The following CACNG8 variants were observed in gnomAD, a reference collection of about 807,000 sequenced individuals.
CACNG8 encodes calcium voltage-gated channel auxiliary subunit gamma 8.
Under a neutral mutation model 26.9 loss-of-function variants are expected in CACNG8, and 5 were observed. That is an observed-to-expected ratio of 0.19 (90% CI 0.10 to 0.39). The LOEUF is 0.39. Among genes scored for constraint, CACNG8 ranks in the 10% least tolerant of loss-of-function variants. CACNG8 has a pLI of 1.00. For missense variants in CACNG8, 473 were observed against 609.4 expected (o/e 0.78, Z 2.36); for synonymous variants, 321 against 296.7 (o/e 1.08, Z -0.84).
At chr19:53,980,808 C>G (rs1434260700) in intron 3 of CACNG8, among the ~76,000 whole-genome samples, 1 of 152,200 alleles carries the variant, frequency 6.6e-6, no homozygotes, top group Non-Finnish European at 1.5e-5. Flanking sequence ...GTAAGGCCCC[C>G]TTTCTACCCC....
chr19:53,978,909 G>C (rs947307855), intron 2 of CACNG8, among the ~76,000 whole-genome samples: 2 of 142,038 alleles, frequency 1.4e-5, no homozygotes, highest in Non-Finnish European at 3.0e-5. Context: ...AGGGAGTGAA[G>C]AGAAGAGAAA....
Position 53,982,541 on chromosome 19 carries a change from G to T in CACNG8, c.970G>T (p.Gly324Trp). The T allele has an allele frequency of 8.1e-7, 1 of 1,232,784 alleles. No homozygotes were observed. Among genetic ancestry groups the T allele is most frequent in the Non-Finnish European group, 1.0e-6 (1 of 990,236 alleles). 76.4% of individuals were successfully genotyped at this position (1,232,784 alleles called of 1,614,324 possible). The change falls in exon 4 of 4, where the codon GGG (glycine) becomes TGG (tryptophan). Residue 324 changes from glycine (G) to tryptophan (W), a missense_variant. Transcript: ENST00000270458. This position sits in a 1 kb window ranked among gnomAD's most constrained non-coding sequence, Gnocchi z 8.4. ...GGGCAGCGTGGCCGCGGGGCTGGCG[G>T]GGGCCGGCGGCGGCGGCGGCGGCGC...
At chr19:53,980,077 TGTGTGTGTGCGCGCGCGCGCGTGA>T (rs1568801658) in intron 3 of CACNG8, 70 bp downstream of exon 3, 14 of 1,432,588 alleles carry the variant, frequency 9.8e-6, no homozygotes. Flanking sequence ...TGTGTGTGTG[TGTGTGTGTGCGCGCGCGCGCGTGA>T]GTGCAAGTGC....
chr19:53,980,706 C>T (rs2069361567), intron 3 of CACNG8, among the ~76,000 whole-genome samples: 1 of 152,152 alleles, frequency 6.6e-6, no homozygotes, highest in Admixed American at 6.5e-5. Context: ...CGACCAAAGC[C>T]AGTCAGTACC....
chr19:53,982,318 G>A lies in CACNG8; in HGVS notation c.747G>A (p.Ala249=). The A allele has an allele frequency of 1.9e-6, 3 of 1,589,046 alleles. No homozygotes were observed. The highest frequency in any genetic ancestry group is 2.3e-5 in the East Asian group (1 of 43,226). ...ACCTGCTCAAGGCCGGCGGGGGCGC[G>A]GGCGGCAGTGGCGGGAGCGGCCCCT... The change falls in exon 4 of 4, where the codon GCG becomes GCA. Residue 249 remains alanine (A), a synonymous_variant. Transcript: ENST00000270458. This position sits in a 1 kb window ranked among gnomAD's most constrained non-coding sequence, Gnocchi z 8.4.
chr19:53,971,434 ACTCT>A (rs2069302059), intron 1 of CACNG8, among the ~76,000 whole-genome samples: 1 of 152,088 alleles, frequency 6.6e-6, no homozygotes, highest in African/African-American at 2.4e-5. Context: ...ATACATAGAC[ACTCT>A]CTCTCCCTTT....
chr19:53,979,614 G>A (rs533109960), intron 2 of CACNG8, among the ~76,000 whole-genome samples: 7 of 152,144 alleles, frequency 4.6e-5, no homozygotes, highest in Admixed American at 3.9e-4. Context: ...TTCCAAGAGA[G>A]AGAAAAATAG....
chr19:53,963,525 G>A (rs2069255164), intron 1 of CACNG8, 100 bp downstream of exon 1: 16 of 1,214,314 alleles, frequency 1.3e-5, no homozygotes, highest in Non-Finnish European at 1.5e-5. Context: ...GCCCCCTTGG[G>A]CACCCCTCCT....
intron 1 of CACNG8, among the ~76,000 whole-genome samples, chr19:53,963,987 G>A (rs964009677): frequency 6.6e-6 from 1 of 151,582 alleles, no homozygotes; most frequent in African/African-American, 2.4e-5. Context: ...ATTATTTGTA[G>A]AGATGAGGTC....
In CACNG8 at chr19:53,963,490, G is replaced by A. The variant is rs987041923; in HGVS notation, c.283+65G>A. On this transcript the variant is annotated intron_variant, in intron 1 of 3. Coordinates refer to ENST00000270458, the MANE Select transcript of CACNG8 (RefSeq NM_031895.6). ...CCCTCCGAGAGACCCTGAGCCTCCC[G>A]GGGCTGCCTGTCCCTGATCCTGGGG... 4 of 1,390,810 alleles carry A rather than the reference G, an allele frequency of 2.9e-6. No homozygotes were observed. The African/African-American group carries it at 4.6e-5, about 16-fold the overall frequency. 86.2% of individuals were successfully genotyped at this position (1,390,810 alleles called of 1,614,324 possible).
chr19:53,967,553 C>A (rs1224679797), intron 1 of CACNG8, among the ~76,000 whole-genome samples: 2 of 152,140 alleles, frequency 1.3e-5, no homozygotes, highest in Non-Finnish European at 2.9e-5. Flanking sequence ...ATCTGAATTT[C>A]ACTGGGCGCA....
At position 53,979,949 on chromosome 19, in the gene CACNG8, C is replaced by A. The variant is rs145338051; in HGVS notation, c.450C>A (p.Arg150=). The A allele has an allele frequency of 6.2e-7, 1 of 1,612,958 alleles. No homozygotes were observed. The highest frequency in any genetic ancestry group is 8.5e-7 in the Non-Finnish European group (1 of 1,179,508). ...GGGGTGTGTGCGTGGCGGCCTCCCG[C>A]GTCTACAAGTCCAAGAGGAACATCA... is the stretch of plus-strand genomic sequence containing the variant. The change falls in exon 3 of 4, where the codon CGC becomes CGA. Residue 150 remains arginine (R), a synonymous_variant. Transcript: ENST00000270458.
chr19:53,973,019 G>C (rs2069311588), intron 1 of CACNG8, among the ~76,000 whole-genome samples: 1 of 152,116 alleles, frequency 6.6e-6, no homozygotes, highest in Non-Finnish European at 1.5e-5. Flanking sequence ...CTACCTCCGA[G>C]GGTTTGTCCT....
At chr19:53,980,481 G>T (rs2069359779) in intron 3 of CACNG8, among the ~76,000 whole-genome samples, 1 of 152,118 alleles carries the variant, frequency 6.6e-6, no homozygotes, top group Non-Finnish European at 1.5e-5. Flanking sequence ...GGAGACTTTG[G>T]TGGATCCAAG....
chr19:53,968,768 C>CAAAAAAAA (rs34461203), intron 1 of CACNG8, among the ~76,000 whole-genome samples: 43 of 50,324 alleles, frequency 8.5e-4, no homozygotes, highest in African/African-American at 3.9e-3. Context: ...GACTCTATCT[C>CAAAAAAAA]AAAAAAAAAA....
Position 53,982,558 on chromosome 19 carries a change from C to T in CACNG8, c.987C>T (p.Gly329=). 4.3e-6 allele frequency: 5 copies of T among 1,160,748 alleles called. No homozygotes were observed. Among genetic ancestry groups the T allele is most frequent in the Non-Finnish European group, 5.3e-6 (5 of 943,730 alleles). 71.9% of individuals were successfully genotyped at this position (1,160,748 alleles called of 1,614,324 possible). A position where few individuals can be genotyped will look rare whatever the true frequency, so the allele number is the denominator to read the frequency against. The change falls in exon 4 of 4, where the codon GGC becomes GGT. Residue 329 remains glycine, a synonymous_variant. Transcript: ENST00000270458. The surrounding 1 kb of genome is among the most constrained non-coding windows in gnomAD (Gnocchi z 8.4). ...GGCTGGCGGGGGCCGGCGGCGGCGG[C>T]GGCGGCGCCGTGGGGGCGTTCGGCG...
At chr19:53,968,246 G>C (rs866395289) in intron 1 of CACNG8, among the ~76,000 whole-genome samples, 2 of 151,910 alleles carry the variant, frequency 1.3e-5, no homozygotes, top group Non-Finnish European at 2.9e-5. Context: ...GTGCTGGTGC[G>C]TGCCTGTGGT....
chr19:53,970,942 A>AAG (rs1819248890), intron 1 of CACNG8, among the ~76,000 whole-genome samples: 1 of 150,652 alleles, frequency 6.6e-6, no homozygotes, highest in Non-Finnish European at 1.5e-5. Flanking sequence ...AAAAAAAAAA[A>AAG]AAAAGAAAAG....
At position 53,988,910 on chromosome 19, in the gene CACNG8, A is replaced by C. The variant is rs1217275149; in HGVS notation, c.*6061A>C. The C allele has an allele frequency of 6.6e-6, 1 of 152,234 alleles. No individual in the cohort carries two copies. The highest frequency in any genetic ancestry group is 1.5e-5 in the Non-Finnish European group (1 of 68,054). 9.4% of individuals were successfully genotyped at this position (152,234 alleles called of 1,614,324 possible). On this transcript the variant is annotated 3_prime_UTR_variant, in exon 4 of 4. Coordinates refer to ENST00000270458, the MANE Select transcript of CACNG8 (RefSeq NM_031895.6). ...CTGTAGACCCTGTCAAGACCTATTGAGGTGAAGGGGAAGAACACGTTTTCA... is the reference window on the plus strand; with the variant it reads ...CTGTAGACCCTGTCAAGACCTATTGCGGTGAAGGGGAAGAACACGTTTTCA...
Sources: gnomAD v4.1 joint callset for allele counts (sites outside exome capture counted in the v4.1 genomes callset) on GRCh38, gnomAD v4.1.1 for gene constraint, Gnocchi (gnomAD v3.1) non-coding constraint, MANE v1.5 for transcripts, NCBI Gene and HGNC (gene_info 2026-07-23, HGNC 2026-07-21) for gene names.